PCYOX1L: variants seen among roughly 807,000 people sequenced by gnomAD.
PCYOX1L encodes prenylcysteine oxidase 1 like.
Under a neutral mutation model 44.1 loss-of-function variants are expected in PCYOX1L, and 40 were observed. The ratio of observed to expected loss-of-function variants is 0.91; its 90% CI spans 0.70 to 1.18. The LOEUF (loss-of-function observed/expected upper bound fraction) is 1.18, where lower values mean the gene tolerates loss of function less well. Among genes scored for constraint, PCYOX1L ranks in the 50% most tolerant of loss-of-function variants. The pLI is 0.00. For synonymous variants in PCYOX1L, 266 were observed against 282.8 expected (o/e 0.94, Z 0.60); for missense variants, 605 against 653.3 (o/e 0.93, Z 0.81).
rs1321949807 is a variant in PCYOX1L at position 149,362,845 on chromosome 5, T to C, written c.295+2T>C. The C allele has an allele frequency of 1.2e-6, 2 of 1,613,466 alleles. No individual in the cohort carries two copies. ...TGCAGGACTTCGTCAAGCTGCTGGGTGAGTGGTCAGTCCTGGGGCTCCAGT... is the reference window on the plus strand; with the variant it reads ...TGCAGGACTTCGTCAAGCTGCTGGGCGAGTGGTCAGTCCTGGGGCTCCAGT... On this transcript the variant is annotated splice_donor_variant, in intron 2 of 5. Transcript: ENST00000274569. LOFTEE classifies it high-confidence loss of function.
chr5:149,367,397 G>A lies in PCYOX1L; in HGVS notation c.720G>A (p.Trp240Ter). ...MSLAGAQGSL[W>*]SVEGGNKLVC... is the part of the protein sequence containing the mutation. ...TAGCCGGGGCCCAAGGCAGCCTGTGGTCTGTGGAAGGAGGCAATAAGCTGG... is the reference window on the plus strand; with the variant it reads ...TAGCCGGGGCCCAAGGCAGCCTGTGATCTGTGGAAGGAGGCAATAAGCTGG... Residue 240 changes from tryptophan to a stop codon, truncating the protein, a stop_gained, in exon 5 of 6, where the codon TGG becomes TGA. Transcript: ENST00000274569. LOFTEE classifies it high-confidence loss of function. 1 of 1,613,342 alleles carries A rather than the reference G, an allele frequency of 6.2e-7. No individual in the cohort carries two copies. Among genetic ancestry groups the A allele is most frequent in the Non-Finnish European group, 8.5e-7 (1 of 1,179,726 alleles).
In PCYOX1L at chr5:149,368,481, G is replaced by T; in HGVS notation, c.1312G>T (p.Ala438Ser). Residue 438 changes from alanine to serine, a missense_variant, in exon 6 of 6, where the codon GCA becomes TCA. Transcript: ENST00000274569. ...YGSRPTLPRF[A>S]LHDQLFYLNA... ...CTCCCGCCCCACGCTCCCGAGGTTT[G>T]CACTCCATGACCAGCTCTTCTACCT... 1 of 1,612,950 alleles carries T rather than the reference G, an allele frequency of 6.2e-7. No homozygotes were observed. The highest frequency in any genetic ancestry group is 8.5e-7 in the Non-Finnish European group (1 of 1,179,314).
chr5:149,361,112 T>G (rs1353266321), intron 1 of PCYOX1L, among the ~76,000 whole-genome samples: 1 of 152,238 alleles, frequency 6.6e-6, no homozygotes, highest in African/African-American at 2.4e-5. Flanking sequence ...CAGGACTGTT[T>G]AATGATTAGT....
At chr5:149,367,893 G>A in intron 5 of PCYOX1L, 100 bp from the exon 6 acceptor site, 2 of 1,306,536 alleles carry the variant, frequency 1.5e-6, no homozygotes. Context: ...GCTGCACCCT[G>A]AGCACCAGGG....
rs759370561 is a variant in PCYOX1L, at chr5:149,366,067, G to A, written c.596G>A (p.Gly199Asp). The stretch of plus-strand genomic sequence containing the variant: ...GTGGCTGAGTCCCTGCTGCAGGTGG[G>A]CGTCACGCAGCGCTTTATTGATGAT... ...HSVAESLLQV[G>D]VTQRFIDDVV... is the part of the protein sequence containing the mutation. The change falls in exon 4 of 6, where the codon GGC (glycine) becomes GAC (aspartate). Residue 199 changes from glycine to aspartate, a missense_variant. Physicochemically the swap from Gly to Asp is moderately conservative, Grantham distance 94. Transcript: ENST00000274569. The A allele has an allele frequency of 6.2e-7, 1 of 1,614,118 alleles. No individual in the cohort carries two copies. Among genetic ancestry groups the A allele is most frequent in the Middle Eastern group, 1.6e-4 (1 of 6,080 alleles).
intron 2 of PCYOX1L, chr5:149,363,707 C>T (rs544044184): frequency 1.8e-5 from 6 of 338,744 alleles, no homozygotes; most frequent in African/African-American, 8.4e-5. Context: ...AGGATAACTT[C>T]CAAGTGATCT....
At chr5:149,367,257 T>G in intron 4 of PCYOX1L, 103 bp from the exon 5 acceptor site, 2 of 1,414,540 alleles carry the variant, frequency 1.4e-6, no homozygotes, top group South Asian at 1.5e-5. Context: ...GTTGGGAGAG[T>G]TTTGCTCTGG....
intron 3 of PCYOX1L, chr5:149,365,724 C>T (rs1046804731): frequency 3.4e-6 from 2 of 592,356 alleles, no homozygotes; most frequent in Non-Finnish European, 3.0e-6. Context: ...TGAAGCCAGG[C>T]CTAGAAGGAT....
chr5:149,364,408 T>C (rs541321708), intron 3 of PCYOX1L, 198 bp downstream of exon 3: 9 of 586,454 alleles, frequency 1.5e-5, no homozygotes, highest in Non-Finnish European at 2.4e-5. Flanking sequence ...CCTAGTATTG[T>C]CACATTGACT....
chr5:149,368,130 C>T lies in PCYOX1L; in HGVS notation c.961C>T (p.Pro321Ser). ...CTTAACCTTTGCAGGCTTCCACCCG[C>T]CCATTGATGACGTGCAGGGCTCTTT... Reference protein sequence around the residue: ...SNLTFAGFHPPIDDVQGSFQP... With the variant: ...SNLTFAGFHPSIDDVQGSFQP... The change falls in exon 6 of 6, where the codon CCC becomes TCC. Residue 321 changes from proline (P) to serine (S), a missense_variant. Transcript: ENST00000274569. The T allele has an allele frequency of 6.2e-7, 1 of 1,613,368 alleles. No individual in the cohort carries two copies. Among genetic ancestry groups the T allele is most frequent in the Non-Finnish European group, 8.5e-7 (1 of 1,179,554 alleles).
At position 149,365,937 on chromosome 5, in the gene PCYOX1L, T is replaced by C; in HGVS notation, c.471-5T>C. 1 of 1,614,070 alleles carries C rather than the reference T, an allele frequency of 6.2e-7. No individual in the cohort carries two copies. On this transcript the variant is annotated splice_polypyrimidine_tract_variant and splice_region_variant and intron_variant, in intron 3 of 5. Coordinates refer to ENST00000274569, the MANE Select transcript of PCYOX1L (RefSeq NM_024028.4). Reference sequence around the variant, plus strand: ...ACAAGGACTCCAGCTCTATGTGTCTTCTAGGATCTATAAGTACCAGGCCCA... The same window carrying C: ...ACAAGGACTCCAGCTCTATGTGTCTCCTAGGATCTATAAGTACCAGGCCCA...
rs776160526 is a variant in PCYOX1L, at chr5:149,368,592, T to C, written c.1423T>C (p.Tyr475His). 1.3e-6 allele frequency: 2 copies of C among 1,567,106 alleles called. No individual in the cohort carries two copies. The highest frequency in any genetic ancestry group is 1.2e-5 in the South Asian group (1 of 81,502). ...NVALLAYNRW[Y>H]QDLDKIDQKD... ...GGCCTTGCTGGCTTACAACCGCTGG[T>C]ACCAGGACCTAGACAAGATTGATCA... Residue 475 changes from tyrosine to histidine, a missense_variant, in exon 6 of 6, where the codon TAC (tyrosine) becomes CAC (histidine). Transcript: ENST00000274569.
At chr5:149,362,268 T>G in intron 1 of PCYOX1L, 1 of 286,316 alleles carries the variant, frequency 3.5e-6, no homozygotes, top group Non-Finnish European at 6.8e-6. Context: ...ACAGAACTGG[T>G]CAGTAACTTT....
intron 2 of PCYOX1L, 90 bp from the exon 3 acceptor site, chr5:149,363,946 T>G: frequency 1.6e-5 from 23 of 1,421,452 alleles, no homozygotes; most frequent in Non-Finnish European, 2.0e-5. Flanking sequence ...AACCATAGCA[T>G]TTGTGTTTCC....
At chr5:149,363,964 G>A in intron 2 of PCYOX1L, 72 bp from the exon 3 acceptor site, 1 of 1,544,000 alleles carries the variant, frequency 6.5e-7, no homozygotes, top group Non-Finnish European at 8.8e-7. Context: ...TCCTTTAATG[G>A]ACCAGTCCAT....
intron 3 of PCYOX1L, 122 bp from the exon 4 acceptor site, chr5:149,365,820 C>T: frequency 1.2e-6 from 1 of 853,130 alleles, no homozygotes; most frequent in Admixed American, 2.3e-5. Flanking sequence ...CCTCTTCTGC[C>T]ACCACTCCAT....
chr5:149,360,691 C>T (rs1210771299), intron 1 of PCYOX1L, among the ~76,000 whole-genome samples: 1 of 152,156 alleles, frequency 6.6e-6, no homozygotes, highest in African/African-American at 2.4e-5. Flanking sequence ...GCTGTTGAAG[C>T]CAGTGAGACA....
Position 149,368,480 on chromosome 5 carries a change from T to G in PCYOX1L, c.1311T>G (p.Phe437Leu), listed in dbSNP as rs771719153. Residue 437 changes from phenylalanine to leucine, a missense_variant, in exon 6 of 6, where the codon TTT (phenylalanine) becomes TTG (leucine). Physicochemically the swap from Phe to Leu is conservative, Grantham distance 22. Coordinates refer to ENST00000274569, the MANE Select transcript of PCYOX1L (RefSeq NM_024028.4). ...GCTCCCGCCCCACGCTCCCGAGGTT[T>G]GCACTCCATGACCAGCTCTTCTACC... ...LYGSRPTLPRFALHDQLFYLN... is the reference protein window; with the variant it reads ...LYGSRPTLPRLALHDQLFYLN... 6.2e-7 allele frequency: 1 copy of G among 1,613,010 alleles called. No homozygotes were observed. The highest frequency in any genetic ancestry group is 1.3e-5 in the African/African-American group (1 of 74,916).
At chr5:149,360,867 G>A (rs892448868) in intron 1 of PCYOX1L, among the ~76,000 whole-genome samples, 3 of 152,246 alleles carry the variant, frequency 2.0e-5, no homozygotes, top group Non-Finnish European at 4.4e-5. Flanking sequence ...AGATCATAGA[G>A]AACCTGGTGC....
Sources: gnomAD v4.1 joint callset for allele counts (sites outside exome capture counted in the v4.1 genomes callset) on GRCh38, gnomAD v4.1.1 for gene constraint, MANE v1.5 for transcripts, NCBI Gene and HGNC (gene_info 2026-07-23, HGNC 2026-07-21) for gene names.